The following PAK2 variants were observed in gnomAD, a reference collection of about 807,000 sequenced individuals.
PAK2 encodes serine/threonine-protein kinase PAK 2.
Under a neutral mutation model 65.9 loss-of-function variants are expected in PAK2, and 21 were observed. The ratio of observed to expected loss-of-function variants is 0.32; its 90% CI spans 0.23 to 0.46. The LOEUF (loss-of-function observed/expected upper bound fraction) is 0.46, where lower values mean the gene tolerates loss of function less well. PAK2 is among the 20% of genes least tolerant of loss of function. The pLI is 1.00. For synonymous variants in PAK2, 204 were observed against 219.7 expected, an observed-to-expected ratio of 0.93 and a Z score of 0.63; for missense variants, 324 against 642.6, an observed-to-expected ratio of 0.50 and a Z score of 5.36.
chr3:196,753,749 T>G (rs1713685532), intron 1 of PAK2, among the ~76,000 whole-genome samples: 1 of 152,192 alleles, frequency 6.6e-6, no homozygotes, highest in Non-Finnish European at 1.5e-5. Context: ...AATCATTTTG[T>G]TTTTTTCCTG....
At chr3:196,799,504 A>C (rs1157311069) in intron 2 of PAK2, among the ~76,000 whole-genome samples, 1 of 152,156 alleles carries the variant, frequency 6.6e-6, no homozygotes, top group African/African-American at 2.4e-5. Flanking sequence ...CGAGTTGCTT[A>C]TAAAAGCCAG....
chr3:196,821,848 C>G (rs1711664578), intron 13 of PAK2, among the ~76,000 whole-genome samples: 1 of 152,088 alleles, frequency 6.6e-6, no homozygotes, highest in Non-Finnish European at 1.5e-5. Flanking sequence ...GGGTACAGAG[C>G]CAAGAGAATT....
At chr3:196,809,946 CTCTT>C (rs1206355193) in intron 7 of PAK2, among the ~76,000 whole-genome samples, 2 of 151,830 alleles carry the variant, frequency 1.3e-5, no homozygotes, top group African/African-American at 4.8e-5. Flanking sequence ...ATTTTAAAAC[CTCTT>C]TCTTGTGACT....
In PAK2 at chr3:196,812,231, A is replaced by G. The variant is rs1715852060; in HGVS notation, c.786A>G (p.Thr262=). The G allele has an allele frequency of 6.3e-7, 1 of 1,586,944 alleles. No individual in the cohort carries two copies. The highest frequency in any genetic ancestry group is 8.7e-7 in the Non-Finnish European group (1 of 1,155,586). ...YEKIGQGASG[T]VFTATDVALG... ...TTTCTCCCTCTAGGGCTTCTGGTACAGTTTTCACTGCTACTGACGTTGCAC... is the reference window on the plus strand; with the variant it reads ...TTTCTCCCTCTAGGGCTTCTGGTACGGTTTTCACTGCTACTGACGTTGCAC... Residue 262 remains threonine (T), a synonymous_variant, in exon 9 of 15, where the codon ACA becomes ACG. Coordinates refer to ENST00000327134, the MANE Select transcript of PAK2 (RefSeq NM_002577.4).
At chr3:196,777,888 A>G (rs1714585582) in intron 1 of PAK2, among the ~76,000 whole-genome samples, 1 of 152,178 alleles carries the variant, frequency 6.6e-6, no homozygotes, top group South Asian at 2.1e-4. Context: ...GTAGATAGTG[A>G]GATATAATTT....
At chr3:196,807,513 G>A (rs1339460515) in intron 6 of PAK2, among the ~76,000 whole-genome samples, 3 of 152,060 alleles carry the variant, frequency 2.0e-5, no homozygotes, top group African/African-American at 7.2e-5. Context: ...TACCATTTTA[G>A]ACCTGGTCAC....
intron 7 of PAK2, 81 bp from the exon 8 acceptor site, chr3:196,810,509 T>A (rs919406885): frequency 1.3e-6 from 1 of 778,094 alleles, no homozygotes; most frequent in Admixed American, 2.1e-5. Context: ...AACAGTGGAG[T>A]TCATTAAAAG....
At chr3:196,774,055 A>G (rs1349211180) in intron 1 of PAK2, among the ~76,000 whole-genome samples, 3 of 152,170 alleles carry the variant, frequency 2.0e-5, no homozygotes, top group Non-Finnish European at 2.9e-5. Context: ...AACAAAAAAA[A>G]TCTGTGGACA....
At chr3:196,746,155 C>G (rs531396125) in intron 1 of PAK2, among the ~76,000 whole-genome samples, 73 of 152,046 alleles carry the variant, frequency 4.8e-4, no homozygotes, top group African/African-American at 1.8e-3. Flanking sequence ...ATTACATTGG[C>G]CTGAAGTTCC....
Position 196,807,776 on chromosome 3 carries a change from C to A in PAK2, c.577-6C>A. On this transcript the variant is annotated splice_polypyrimidine_tract_variant and splice_region_variant and intron_variant, in intron 6 of 14. Transcript: ENST00000327134. The stretch of plus-strand genomic sequence containing the variant: ...CAAACCTTGGTAATGAACTGTGTCT[C>A]CACAGATTTACACACGGTCTGTAAT... 2 of 1,561,542 alleles carry A rather than the reference C, an allele frequency of 1.3e-6. No homozygotes were observed. Among genetic ancestry groups the A allele is most frequent in the Non-Finnish European group, 1.8e-6 (2 of 1,139,100 alleles).
At chr3:196,786,237 T>C (rs1211272856) in intron 2 of PAK2, among the ~76,000 whole-genome samples, 1 of 151,666 alleles carries the variant, frequency 6.6e-6, no homozygotes, top group African/African-American at 2.4e-5. Flanking sequence ...ATCTCAGCTC[T>C]CTGCAACCTC....
chr3:196,824,934 A>C (rs1183436063), intron 13 of PAK2, among the ~76,000 whole-genome samples: 2 of 152,234 alleles, frequency 1.3e-5, no homozygotes, highest in Non-Finnish European at 2.9e-5. Flanking sequence ...AATGTCCCAT[A>C]GTATAATAAT....
chr3:196,763,887 C>T (rs1332857474), intron 1 of PAK2, among the ~76,000 whole-genome samples: 1 of 152,028 alleles, frequency 6.6e-6, no homozygotes, highest in Non-Finnish European at 1.5e-5. Context: ...CAAGCTCTGC[C>T]TCCTGGGTTC....
At chr3:196,767,527 C>T (rs569040881) in intron 1 of PAK2, among the ~76,000 whole-genome samples, 26 of 150,748 alleles carry the variant, frequency 1.7e-4, no homozygotes, top group South Asian at 8.3e-4. Context: ...CTTGCTCTGT[C>T]ACCCAGGCTG....
Position 196,810,604 on chromosome 3 carries a change from A to C in PAK2, c.724A>C (p.Ile242Leu). Reference protein sequence around the residue: ...IMEKLRTIVSIGDPKKKYTRY... With the variant: ...IMEKLRTIVSLGDPKKKYTRY... ...GTTTATTCTAGGAACTATCGTGAGC[A>C]TAGGTGACCCTAAGAAAAAATATAC... Residue 242 changes from isoleucine (I) to leucine (L), a missense_variant, in exon 8 of 15, where the codon ATA (isoleucine) becomes CTA (leucine). By Grantham distance (5) the Ile-to-Leu change is conservative. Coordinates refer to ENST00000327134, the MANE Select transcript of PAK2 (RefSeq NM_002577.4). 6.4e-7 allele frequency: 1 copy of C among 1,571,354 alleles called. No individual in the cohort carries two copies. The highest frequency in any genetic ancestry group is 8.8e-7 in the Non-Finnish European group (1 of 1,141,768).
At chr3:196,808,083 C>G (rs547837291) in intron 7 of PAK2, 169 bp downstream of exon 7, 1 of 570,904 alleles carries the variant, frequency 1.8e-6, no homozygotes. Flanking sequence ...TCACCAGGTT[C>G]ACCCCTAAAT....
chr3:196,786,249 G>A (rs912688528), intron 2 of PAK2, among the ~76,000 whole-genome samples: 33 of 149,504 alleles, frequency 2.2e-4, no homozygotes, highest in African/African-American at 8.1e-4. Context: ...TGCAACCTCC[G>A]CCCCCCGGGT....
At chr3:196,761,330 T>G (rs1713955488) in intron 1 of PAK2, among the ~76,000 whole-genome samples, 1 of 95,512 alleles carries the variant, frequency 1.0e-5, no homozygotes, top group Non-Finnish European at 2.0e-5. Context: ...TGTCCCTGAT[T>G]ACTTGAGATT....
At chr3:196,811,593 G>T (rs941213295) in intron 8 of PAK2, among the ~76,000 whole-genome samples, 1 of 151,254 alleles carries the variant, frequency 6.6e-6, no homozygotes, top group Non-Finnish European at 1.5e-5. Context: ...CTGGTTTTAT[G>T]AAAGAGAATT....
Sources: allele counts gnomAD v4.1 joint callset (sites outside exome capture counted in the v4.1 genomes callset), GRCh38; gene constraint gnomAD v4.1.1; transcripts MANE v1.5; gene names NCBI Gene and HGNC (gene_info 2026-07-23, HGNC 2026-07-21).